Variants in DENND5B observed in about 807,000 individuals in gnomAD.
DENND5B encodes DENN domain containing 5B.
A neutral mutation model predicts 140.6 loss-of-function variants in DENND5B; 34 were observed. That is an observed-to-expected ratio of 0.24 (90% CI 0.18 to 0.32). The LOEUF (loss-of-function observed/expected upper bound fraction) is 0.32, where lower values mean the gene tolerates loss of function less well. Ranked by LOEUF, DENND5B falls within the 10% of genes least tolerant of loss-of-function variation. The probability of loss-of-function intolerance (pLI) is 1.00; values close to 1 mark genes in which losing one functional copy is unlikely to be tolerated. For synonymous variants in DENND5B, 551 were observed against 562.1 expected, an observed-to-expected ratio of 0.98 and a Z score of 0.28; for missense variants, 1,142 against 1,560.2, an observed-to-expected ratio of 0.73 and a Z score of 4.52.
intron 6 of DENND5B, among the ~76,000 whole-genome samples, 170 bp downstream of exon 6, chr12:31,447,368 T>C (rs1475593838): frequency 6.6e-6 from 1 of 152,116 alleles, no homozygotes; most frequent in Non-Finnish European, 1.5e-5. Context: ...GAACGTCAAG[T>C]AGGAGTAGGA....
At chr12:31,430,495 T>TCC (rs1273443977) in intron 8 of DENND5B, among the ~76,000 whole-genome samples, 14 of 2,130 alleles carry the variant, frequency 6.6e-3, no homozygotes, top group Non-Finnish European at 0.016. Context: ...CTACTAAAAA[T>TCC]ACAAAAAAAA....
intron 1 of DENND5B, among the ~76,000 whole-genome samples, chr12:31,537,398 T>A (rs1404217002): frequency 1.3e-5 from 2 of 152,108 alleles, no homozygotes; most frequent in Admixed American, 6.6e-5. Flanking sequence ...AGGCTATCAG[T>A]GTAAAATAAT....
At chr12:31,574,267 A>AAAAAAAAATAATAAT (rs141072772) in intron 1 of DENND5B, among the ~76,000 whole-genome samples, 1 of 89,702 alleles carries the variant, frequency 1.1e-5, no homozygotes, top group African/African-American at 3.1e-5. Context: ...TGTCTCTAAA[A>AAAAAAAAATAATAAT]AATAATAATA....
chr12:31,433,049 T>G, intron 8 of DENND5B, 106 bp downstream of exon 8: 1 of 975,344 alleles, frequency 1.0e-6, no homozygotes, highest in Admixed American at 2.4e-5. Context: ...CTAAACAGTT[T>G]TTTTTTTAAA....
intron 1 of DENND5B, among the ~76,000 whole-genome samples, chr12:31,566,201 T>C (rs186523720): frequency 2.6e-5 from 4 of 152,230 alleles, no homozygotes; most frequent in Admixed American, 2.6e-4. Context: ...ACACCTGTAG[T>C]TCCAGCAACT....
At chr12:31,580,515 G>A (rs1287000076) in intron 1 of DENND5B, among the ~76,000 whole-genome samples, 1 of 151,614 alleles carries the variant, frequency 6.6e-6, no homozygotes, top group Non-Finnish European at 1.5e-5. Flanking sequence ...TAATTTTTGA[G>A]ACAGGGTCTC....
chr12:31,444,878 C>T (rs1192962366), intron 6 of DENND5B, among the ~76,000 whole-genome samples: 1 of 152,190 alleles, frequency 6.6e-6, no homozygotes, highest in East Asian at 1.9e-4. Context: ...GGGATCTACC[C>T]TGATTCGTGG....
At chr12:31,413,395 T>G (rs1565555043) in intron 13 of DENND5B, 41 bp downstream of exon 13, 1 of 1,592,788 alleles carries the variant, frequency 6.3e-7, no homozygotes, top group East Asian at 2.2e-5. Context: ...TGTATGCACA[T>G]GGATTATAGA....
chr12:31,493,847 C>A (rs529876563), intron 2 of DENND5B, among the ~76,000 whole-genome samples: 1 of 152,106 alleles, frequency 6.6e-6, no homozygotes, highest in Admixed American at 6.6e-5. Context: ...AAACAAAAAC[C>A]AAACAAAACA....
chr12:31,429,981 A>G (rs1565570417), intron 8 of DENND5B, among the ~76,000 whole-genome samples: 1 of 151,498 alleles, frequency 6.6e-6, no homozygotes, highest in Non-Finnish European at 1.5e-5. Context: ...TGTTGGGATT[A>G]TAGGTGTGAG....
intron 1 of DENND5B, 69 bp from the exon 2 acceptor site, chr12:31,495,988 T>C: frequency 8.9e-7 from 1 of 1,117,554 alleles, no homozygotes; most frequent in South Asian, 1.5e-5. Context: ...TCTATTTATT[T>C]TATAGTCCTA....
intron 1 of DENND5B, among the ~76,000 whole-genome samples, chr12:31,563,557 T>G (rs1468489831): frequency 1.3e-5 from 2 of 152,194 alleles, no homozygotes; most frequent in Non-Finnish European, 2.9e-5. Context: ...TACTATTCAG[T>G]GCAAAAAGCA....
chr12:31,557,814 C>CAAAAAAA (rs71445804), intron 1 of DENND5B, among the ~76,000 whole-genome samples: 1 of 80,978 alleles, frequency 1.2e-5, no homozygotes, highest in East Asian at 4.3e-4. Flanking sequence ...GCTGTGGTGG[C>CAAAAAAA]AAAAAAAAAA....
chr12:31,415,419 C>A lies in DENND5B; in HGVS notation c.2500G>T (p.Asp834Tyr). Residue 834 changes from aspartate (D) to tyrosine (Y), a missense_variant, in exon 12 of 21, where the codon GAC becomes TAC. Coordinates refer to ENST00000389082, the MANE Select transcript of DENND5B (RefSeq NM_144973.4). Reference protein sequence around the residue: ...VALGPERRKSDSGVMLPTLRV... With the variant: ...VALGPERRKSYSGVMLPTLRV... ...AGCGTTGGCAACATAACTCCTGAGT[C>A]AGATTTTCTTCTTTCTGGTCCGAGG... is the stretch of plus-strand genomic sequence containing the variant. 1.9e-6 allele frequency: 3 copies of A among 1,610,066 alleles called. No homozygotes were observed. In the South Asian group the frequency reaches 3.3e-5, roughly 18 times the overall value.
At chr12:31,430,053 T>C (rs1171325386) in intron 8 of DENND5B, among the ~76,000 whole-genome samples, 1 of 151,254 alleles carries the variant, frequency 6.6e-6, no homozygotes, top group Non-Finnish European at 1.5e-5. Flanking sequence ...GACAGAGTCT[T>C]GGTCTGCTGC....
At chr12:31,540,058 C>G (rs560370653) in intron 1 of DENND5B, among the ~76,000 whole-genome samples, 1 of 152,206 alleles carries the variant, frequency 6.6e-6, no homozygotes, top group South Asian at 2.1e-4. Flanking sequence ...CTACAAAAAT[C>G]TAGCATTTCT....
chr12:31,479,962 G>C lies in DENND5B; in HGVS notation c.531C>G (p.Asn177Lys), dbSNP rs1173552397. The C allele has an allele frequency of 1.2e-6, 2 of 1,614,004 alleles. No individual in the cohort carries two copies. The highest frequency in any genetic ancestry group is 1.1e-5 in the South Asian group (1 of 91,082). Residue 177 changes from asparagine to lysine, a missense_variant, in exon 3 of 21, where the codon AAC becomes AAG. By Grantham distance (94) the Asn-to-Lys change is moderately conservative (BLOSUM62 0). Transcript: ENST00000389082. The part of the protein sequence containing the change: ...TTSLLKLQRY[N>K]SYDISRDTLY... ...GGGTGTCTCTGCTAATATCATAGGA[G>C]TTGTATCGCTGGAGTTTCAAAAGGG...
In DENND5B at chr12:31,452,220, C is replaced by A. The variant is rs760095951; in HGVS notation, c.1349G>T (p.Gly450Val). 20 of 1,613,834 alleles carry A rather than the reference C, an allele frequency of 1.2e-5. No homozygotes were observed. In the African/African-American group the frequency reaches 2.0e-4, roughly 16 times the overall value. ...NNISMYELLK[G>V]NETIARLQAL... Reference sequence around the variant, plus strand: ...CTGCAAGCGGGCTATGGTTTCATTGCCCTTCAGTAACTCATACATGCTGAT... The same window carrying A: ...CTGCAAGCGGGCTATGGTTTCATTGACCTTCAGTAACTCATACATGCTGAT... The change falls in exon 5 of 21, where the codon GGC (glycine) becomes GTC (valine). Residue 450 changes from glycine (G) to valine (V), a missense_variant. Gly to Val is a moderately radical substitution (Grantham distance 109). Transcript: ENST00000389082.
At chr12:31,423,138 A>G (rs896035641) in intron 11 of DENND5B, among the ~76,000 whole-genome samples, 4 of 151,926 alleles carry the variant, frequency 2.6e-5, no homozygotes, top group Non-Finnish European at 5.9e-5. Flanking sequence ...ATGGGGTTTC[A>G]CCGTGTTGGC....
Sources: allele counts gnomAD v4.1 joint callset (sites outside exome capture counted in the v4.1 genomes callset), GRCh38; gene constraint gnomAD v4.1.1; transcripts MANE v1.5; gene names NCBI Gene and HGNC (gene_info 2026-07-23, HGNC 2026-07-21).